The following DMRT2 variants were observed in gnomAD, a reference collection of about 807,000 sequenced individuals.
DMRT2 encodes the protein doublesex and mab-3 related transcription factor 2.
In DMRT2, 33 loss-of-function variants were observed where a neutral mutation model predicts 43.5. The observed-to-expected ratio is 0.76, with a 90% CI of 0.58 to 1.01. The LOEUF is 1.01. DMRT2 is among the 50% of genes least tolerant of loss of function. The pLI, the probability that DMRT2 is intolerant of heterozygous loss-of-function variation, is 0.00. For synonymous variants in DMRT2, 395 were observed against 309.2 expected, an observed-to-expected ratio of 1.28 and a Z score of -2.91; for missense variants, 1,064 against 748.0, an observed-to-expected ratio of 1.42 and a Z score of -4.93.
At chr9:1,054,566 T>C (rs1172537340) in intron 3 of DMRT2, 1 of 152,226 alleles carries the variant, frequency 6.6e-6, no homozygotes, top group Non-Finnish European at 1.5e-5. Context: ...TCTAGCTTTC[T>C]GTCTCCATGT....
In DMRT2 at chr9:1,057,489, G is replaced by A. The variant is rs1822088997; in HGVS notation, c.*216G>A. On this transcript the variant is annotated 3_prime_UTR_variant, in exon 4 of 4. Coordinates refer to ENST00000358146, the MANE Select transcript of DMRT2 (RefSeq NM_181872.6). ...AATTGCCCAATGTGCAAATTGTTAA[G>A]TACCACACTTTACACAGCATTTCAA... 1 of 537,734 alleles carries A rather than the reference G, an allele frequency of 1.9e-6. No individual in the cohort carries two copies. Among genetic ancestry groups the A allele is most frequent in the Admixed American group, 3.5e-5 (1 of 28,478 alleles). The allele number at this position is 537,734 out of a possible 1,614,324, so 33.3% of individuals were successfully genotyped here.
At chr9:1,052,241 G>A (rs1779008577) in intron 2 of DMRT2, 103 bp downstream of exon 2, 1 of 916,160 alleles carries the variant, frequency 1.1e-6, no homozygotes, top group Non-Finnish European at 1.5e-6. Flanking sequence ...GGGCCTTGCG[G>A]TGCCTGGCAC....
intron 2 of DMRT2, 97 bp downstream of exon 2, chr9:1,052,235 C>G (rs1468174699): frequency 1.0e-6 from 1 of 990,834 alleles, no homozygotes; most frequent in Non-Finnish European, 1.3e-6. Flanking sequence ...CGCCCAGGGC[C>G]TTGCGGTGCC....
In DMRT2 at chr9:1,053,713, T is replaced by G; in HGVS notation, c.526-9T>G. On this transcript the variant is annotated splice_polypyrimidine_tract_variant and intron_variant, in intron 2 of 3. Coordinates refer to ENST00000358146, the MANE Select transcript of DMRT2 (RefSeq NM_181872.6). ...AGGGCATTATTGATGATGTTTCTTG[T>G]GTTTACAGGACAAGAAGGGGCTTTC... 6.2e-7 allele frequency: 1 copy of G among 1,609,310 alleles called. No homozygotes were observed. Among genetic ancestry groups the G allele is most frequent in the Non-Finnish European group, 8.5e-7 (1 of 1,177,238 alleles).
Position 1,051,926 on chromosome 9 carries a change from T to C in DMRT2, c.313T>C (p.Cys105Arg), listed in dbSNP as rs1821620103. 7.3e-7 allele frequency: 1 copy of C among 1,364,608 alleles called. No individual in the cohort carries two copies. Among genetic ancestry groups the C allele is most frequent in the African/African-American group, 1.5e-5 (1 of 65,416 alleles). The allele number at this position is 1,364,608 out of a possible 1,614,324, so 84.5% of individuals were successfully genotyped here. A position where few individuals can be genotyped will look rare whatever the true frequency, so the allele number is the denominator to read the frequency against. ...CGCCGGCACCGGTCCCCGAGAGCGC[T>C]GCACTCCCGCGGGCGGCGGCGCGGA... ...SPAGTGPRERCTPAGGGAEPR... is the reference protein window; with the variant it reads ...SPAGTGPRERRTPAGGGAEPR... Residue 105 changes from cysteine (C) to arginine (R), a missense_variant, in exon 2 of 4, where the codon TGC becomes CGC. Cys to Arg is a radical substitution (Grantham distance 180). Coordinates refer to ENST00000358146, the MANE Select transcript of DMRT2 (RefSeq NM_181872.6). The surrounding 1 kb of genome is among the most constrained non-coding windows in gnomAD (Gnocchi z 5.9).
At position 1,056,372 on chromosome 9, in the gene DMRT2, C is replaced by T. The variant is rs756097043; in HGVS notation, c.785C>T (p.Thr262Ile). Residue 262 changes from threonine to isoleucine, a missense_variant, in exon 4 of 4, where the codon ACT becomes ATT. By Grantham distance (89) the Thr-to-Ile change is moderately conservative. Coordinates refer to ENST00000358146, the MANE Select transcript of DMRT2 (RefSeq NM_181872.6). ...REYKEREMLE[T>I]SQAAALFLPN... ...TATAAAGAAAGGGAGATGTTGGAAACTTCTCAAGCTGCTGCTCTGTTTCTG... is the reference window on the plus strand; with the variant it reads ...TATAAAGAAAGGGAGATGTTGGAAATTTCTCAAGCTGCTGCTCTGTTTCTG... 3 of 1,614,074 alleles carry T rather than the reference C, an allele frequency of 1.9e-6. No homozygotes were observed. The highest frequency in any genetic ancestry group is 2.7e-5 in the African/African-American group (2 of 74,932).
In DMRT2 at chr9:1,051,710, A is replaced by G. The variant is rs1198721410; in HGVS notation, c.97A>G (p.Thr33Ala). The change falls in exon 2 of 4, where the codon ACG becomes GCG. Residue 33 changes from threonine (T) to alanine (A), a missense_variant. Transcript: ENST00000358146. The surrounding 1 kb of genome is among the most constrained non-coding windows in gnomAD (Gnocchi z 5.9). ...EEDVCGAPRS[T>A]PPGPSPPPAD... The stretch of plus-strand genomic sequence containing the variant: ...GGACGTCTGCGGGGCGCCGCGGTCC[A>G]CGCCCCCCGGGCCCAGCCCGCCGCC... 6.5e-7 allele frequency: 1 copy of G among 1,546,508 alleles called. No homozygotes were observed. Among genetic ancestry groups the G allele is most frequent in the Non-Finnish European group, 8.7e-7 (1 of 1,151,858 alleles).
chr9:1,052,846 A>T (rs1821698376), intron 2 of DMRT2, among the ~76,000 whole-genome samples: 1 of 152,100 alleles, frequency 6.6e-6, no homozygotes, highest in Non-Finnish European at 1.5e-5. Flanking sequence ...GGACAGGGAG[A>T]GTTCAGCGAG....
At chr9:1,055,339 A>C (rs1038944364) in intron 3 of DMRT2, among the ~76,000 whole-genome samples, 1 of 152,144 alleles carries the variant, frequency 6.6e-6, no homozygotes, top group Non-Finnish European at 1.5e-5. Flanking sequence ...TGCCTCCAGG[A>C]ATTCTATTTA....
rs1217998187 is a variant in DMRT2, at chr9:1,051,820, C to T, written c.207C>T (p.Gly69=). The change falls in exon 2 of 4, where the codon GGC becomes GGT. Residue 69 remains glycine, a synonymous_variant. Transcript: ENST00000358146. This position sits in a 1 kb window ranked among gnomAD's most constrained non-coding sequence, Gnocchi z 5.9. ...AAGAGGGCGACGGCGAGGAGGCAGG[C>T]GCGTCCCCCGGGATGCCCGGCCAGC... The part of the protein sequence containing the change: ...AEEEGDGEEA[G]ASPGMPGQPE... 8 of 1,463,598 alleles carry T rather than the reference C, an allele frequency of 5.5e-6. No homozygotes were observed. Among genetic ancestry groups the T allele is most frequent in the African/African-American group, 1.5e-5 (1 of 67,430 alleles). The allele number at this position is 1,463,598 out of a possible 1,614,324, so 90.7% of individuals were successfully genotyped here.
intron 3 of DMRT2, among the ~76,000 whole-genome samples, 156 bp downstream of exon 3, chr9:1,053,980 G>T (rs1305570829): frequency 6.6e-6 from 1 of 152,194 alleles, no homozygotes; most frequent in Non-Finnish European, 1.5e-5. Context: ...GAGCCCGTAC[G>T]CTAAAACTGA....
At position 1,056,712 on chromosome 9, in the gene DMRT2, C is replaced by G; in HGVS notation, c.1125C>G (p.Ser375Arg). The part of the protein sequence containing the change: ...TSVQALKPGA[S>R]WDLKGARVQD... ...TTCAAGCCCTGAAGCCTGGGGCCAG[C>G]TGGGACTTGAAGGGAGCACGAGTCC... Residue 375 changes from serine to arginine, a missense_variant, in exon 4 of 4, where the codon AGC (serine) becomes AGG (arginine). Ser to Arg is a moderately radical substitution (Grantham distance 110, BLOSUM62 -1). Coordinates refer to ENST00000358146, the MANE Select transcript of DMRT2 (RefSeq NM_181872.6). The G allele has an allele frequency of 6.2e-7, 1 of 1,614,152 alleles. No individual in the cohort carries two copies. The highest frequency in any genetic ancestry group is 8.5e-7 in the Non-Finnish European group (1 of 1,180,032).
rs1405869651 is a variant in DMRT2 at position 1,055,646 on chromosome 9, C to G, written c.629-570C>G. On this transcript the variant is annotated intron_variant, in intron 3 of 3. Coordinates refer to ENST00000358146, the MANE Select transcript of DMRT2 (RefSeq NM_181872.6). ...GCTCTTTTCAATTTTCTATGCTTCTCTATTTTCTTAAGCCTTTTTTTTCTT... is the reference window on the plus strand; with the variant it reads ...GCTCTTTTCAATTTTCTATGCTTCTGTATTTTCTTAAGCCTTTTTTTTCTT... 6.7e-6 allele frequency: 9 copies of G among 1,334,626 alleles called. 1 individual carries two copies. Among genetic ancestry groups the G allele is most frequent in the East Asian group, 5.5e-5 (2 of 36,340 alleles). The allele number at this position is 1,334,626 out of a possible 1,614,324, so 82.7% of individuals were successfully genotyped here. A position where few individuals can be genotyped will look rare whatever the true frequency, so the allele number is the denominator to read the frequency against.
In DMRT2 at chr9:1,056,649, C is replaced by T; in HGVS notation, c.1062C>T (p.Leu354=). ...WPKCGPISDT[L]LYQQCLLNAT... Reference sequence around the variant, plus strand: ...AGTGTGGCCCCATTAGCGACACCCTCCTCTACCAGCAATGCCTGCTAAATG... The same window carrying T: ...AGTGTGGCCCCATTAGCGACACCCTTCTCTACCAGCAATGCCTGCTAAATG... The change falls in exon 4 of 4, where the codon CTC becomes CTT. Residue 354 remains leucine (L), a synonymous_variant. Coordinates refer to ENST00000358146, the MANE Select transcript of DMRT2 (RefSeq NM_181872.6). 1.2e-6 allele frequency: 2 copies of T among 1,614,214 alleles called. No individual in the cohort carries two copies. The highest frequency in any genetic ancestry group is 1.7e-6 in the Non-Finnish European group (2 of 1,180,042).
At position 1,051,773 on chromosome 9, in the gene DMRT2, G is replaced by A; in HGVS notation, c.160G>A (p.Gly54Arg). The A allele has an allele frequency of 3.9e-6, 6 of 1,519,302 alleles. No homozygotes were observed. Among genetic ancestry groups the A allele is most frequent in the Non-Finnish European group, 4.4e-6 (5 of 1,136,414 alleles). 94.1% of individuals were successfully genotyped at this position (1,519,302 alleles called of 1,614,324 possible). A position where few individuals can be genotyped will look rare whatever the true frequency, so the allele number is the denominator to read the frequency against. Residue 54 changes from glycine to arginine, a missense_variant, in exon 2 of 4, where the codon GGG becomes AGG. Coordinates refer to ENST00000358146, the MANE Select transcript of DMRT2 (RefSeq NM_181872.6). This position sits in a 1 kb window ranked among gnomAD's most constrained non-coding sequence, Gnocchi z 5.9. ...GDCEDDEDDD[G>R]VDEDAEEEGD... ...CTGCGAGGACGACGAAGATGACGACGGGGTGGACGAAGACGCGGAAGAAGA... is the reference window on the plus strand; with the variant it reads ...CTGCGAGGACGACGAAGATGACGACAGGGTGGACGAAGACGCGGAAGAAGA...
intron 3 of DMRT2, among the ~76,000 whole-genome samples, chr9:1,055,317 C>G (rs1451235692): frequency 6.6e-6 from 1 of 152,092 alleles, no homozygotes; most frequent in African/African-American, 2.4e-5. Flanking sequence ...ATGAAATACT[C>G]CAAGTATTTT....
Position 1,057,385 on chromosome 9 carries a change from T to A in DMRT2, c.*112T>A. On this transcript the variant is annotated 3_prime_UTR_variant, in exon 4 of 4. Transcript: ENST00000358146. ...TGTAAAGAAATTTCTAATGTAAAGA[T>A]GATGATTTTGAAAAATTTTATATAT... 2 of 1,254,638 alleles carry A rather than the reference T, an allele frequency of 1.6e-6. No individual in the cohort carries two copies. Among genetic ancestry groups the A allele is most frequent in the Non-Finnish European group, 2.1e-6 (2 of 930,672 alleles). The allele number at this position is 1,254,638 out of a possible 1,614,324, so 77.7% of individuals were successfully genotyped here.
chr9:1,055,491 C>T (rs562851328), intron 3 of DMRT2, among the ~76,000 whole-genome samples: 6 of 152,120 alleles, frequency 3.9e-5, no homozygotes, highest in South Asian at 4.2e-4. Flanking sequence ...CAGTTATTTT[C>T]GATAGAGCAG....
chr9:1,056,826 G>A lies in DMRT2; in HGVS notation c.1239G>A (p.Thr413=), dbSNP rs752041820. The change falls in exon 4 of 4, where the codon ACG becomes ACA. Residue 413 remains threonine (T), a synonymous_variant. Transcript: ENST00000358146. The stretch of plus-strand genomic sequence containing the variant: ...CTCACACTCCTGAGATCCAGACCAC[G>A]AGAAGTGACCTTCAGGGTCATCAGG... ...VLPHTPEIQT[T]RSDLQGHQAV... 3.1e-5 allele frequency: 50 copies of A among 1,614,014 alleles called. No homozygotes were observed. Among genetic ancestry groups the A allele is most frequent in the Non-Finnish European group, 3.7e-5 (44 of 1,180,042 alleles).
Sources: gnomAD v4.1 joint callset for allele counts (sites outside exome capture counted in the v4.1 genomes callset) on GRCh38, gnomAD v4.1.1 for gene constraint, Gnocchi (gnomAD v3.1) non-coding constraint, MANE v1.5 for transcripts, NCBI Gene and HGNC (gene_info 2026-07-23, HGNC 2026-07-21) for gene names.